The following PAPOLG variants were observed in gnomAD, a reference collection of about 807,000 sequenced individuals.
PAPOLG encodes PAP-gamma.
Under a neutral mutation model 99.0 loss-of-function variants are expected in PAPOLG, and 40 were observed. The ratio of observed to expected loss-of-function variants is 0.40; its 90% CI spans 0.31 to 0.53. PAPOLG has a LOEUF of 0.53. PAPOLG is among the 20% of genes least tolerant of loss of function. PAPOLG has a pLI of 0.41. For synonymous variants in PAPOLG, 310 were observed against 299.3 expected (o/e 1.04, Z -0.37); for missense variants, 675 against 884.1 (o/e 0.76, Z 3.00).
rs535400786 is a variant in PAPOLG, at chr2:60,800,837, A to G, written c.*3677A>G. The G allele has an allele frequency of 6.6e-6, 1 of 152,404 alleles. No individual in the cohort carries two copies. The highest frequency in any genetic ancestry group is 2.4e-5 in the African/African-American group (1 of 41,570). 9.4% of individuals were successfully genotyped at this position (152,404 alleles called of 1,614,324 possible). On this transcript the variant is annotated 3_prime_UTR_variant, in exon 22 of 22. Transcript: ENST00000238714. Reference sequence around the variant, plus strand: ...CAGGATTGAATAATCCTGGAATATTATATAATTTTCTACTTTTGATTTTGC... The same window carrying G: ...CAGGATTGAATAATCCTGGAATATTGTATAATTTTCTACTTTTGATTTTGC...
At chr2:60,771,732 G>C in intron 7 of PAPOLG, 102 bp downstream of exon 7, 1 of 1,279,924 alleles carries the variant, frequency 7.8e-7, no homozygotes, top group Non-Finnish European at 1.1e-6. Context: ...ATTGGACTCA[G>C]TTTAAAATGT....
chr2:60,777,207 G>T (rs1273966532), intron 8 of PAPOLG, among the ~76,000 whole-genome samples: 1 of 152,150 alleles, frequency 6.6e-6, no homozygotes, highest in Non-Finnish European at 1.5e-5. Flanking sequence ...TGTAATCCCA[G>T]TACTTTGGGA....
At chr2:60,786,860 GT>G in intron 13 of PAPOLG, 86 bp from the exon 14 acceptor site, 1 of 1,474,142 alleles carries the variant, frequency 6.8e-7, no homozygotes, top group African/African-American at 1.4e-5. Context: ...GTAAAGCTTC[GT>G]AGTTAATATG....
intron 7 of PAPOLG, among the ~76,000 whole-genome samples, chr2:60,774,230 C>T (rs956951080): frequency 1.3e-5 from 2 of 151,182 alleles, no homozygotes; most frequent in African/African-American, 2.4e-5. Flanking sequence ...GCCAAGGTAC[C>T]TGCAGTTTTA....
At chr2:60,790,408 C>A (rs987589823) in intron 15 of PAPOLG, among the ~76,000 whole-genome samples, 1 of 152,132 alleles carries the variant, frequency 6.6e-6, no homozygotes, top group Non-Finnish European at 1.5e-5. Flanking sequence ...AACAAGCCTC[C>A]CATCCCTGTC....
At chr2:60,773,726 A>G (rs1670927196) in intron 7 of PAPOLG, among the ~76,000 whole-genome samples, 1 of 151,324 alleles carries the variant, frequency 6.6e-6, no homozygotes, top group East Asian at 1.9e-4. Flanking sequence ...AGCAGTCATT[A>G]GTGACCAGTC....
At chr2:60,761,939 T>C (rs940290276) in intron 3 of PAPOLG, 132 bp downstream of exon 3, 3 of 720,048 alleles carry the variant, frequency 4.2e-6, no homozygotes, top group Non-Finnish European at 7.2e-6. Flanking sequence ...TAGGAATGAA[T>C]TGGTCTAGAC....
chr2:60,772,920 C>T (rs1054678102), intron 7 of PAPOLG, among the ~76,000 whole-genome samples: 4 of 150,676 alleles, frequency 2.7e-5, no homozygotes, highest in African/African-American at 9.7e-5. Flanking sequence ...TGGTCTTTTT[C>T]TTTTCTTTTC....
intron 13 of PAPOLG, 119 bp downstream of exon 13, chr2:60,783,328 T>G: frequency 2.3e-6 from 1 of 427,502 alleles, no homozygotes. Context: ...ATATCTCTTT[T>G]TTTTTTTTTT....
At chr2:60,763,966 C>G (rs184261737) in intron 3 of PAPOLG, among the ~76,000 whole-genome samples, 31 of 151,722 alleles carry the variant, frequency 2.0e-4, no homozygotes, top group Non-Finnish European at 4.4e-4. Context: ...CCATGCCCAG[C>G]TAATTTTTGA....
intron 7 of PAPOLG, among the ~76,000 whole-genome samples, chr2:60,773,478 G>C (rs1431255330): frequency 6.6e-6 from 1 of 152,114 alleles, no homozygotes; most frequent in African/African-American, 2.4e-5. Context: ...TTTTGTTGCT[G>C]AATAAAAATG....
intron 7 of PAPOLG, among the ~76,000 whole-genome samples, chr2:60,772,337 C>T (rs1024954353): frequency 5.9e-5 from 9 of 151,658 alleles, no homozygotes; most frequent in Admixed American, 1.3e-4. Flanking sequence ...GTTCCAGCTA[C>T]TCAGGAGGCT....
intron 15 of PAPOLG, among the ~76,000 whole-genome samples, chr2:60,788,848 A>T (rs1293648588): frequency 6.6e-6 from 1 of 152,002 alleles, no homozygotes; most frequent in African/African-American, 2.4e-5. Flanking sequence ...ATACAAAAAA[A>T]AGTTTGCCAG....
rs1051065930 is a variant in PAPOLG, at chr2:60,782,114, C to T, written c.1027+109C>T. On this transcript the variant is annotated intron_variant, in intron 11 of 21. Coordinates refer to ENST00000238714, the MANE Select transcript of PAPOLG (RefSeq NM_022894.4). ...GCAGTTAGAGTTATACCTATTCTTTCTAAAAATTCTTTCAAGTATGGTTAT... is the reference window on the plus strand; with the variant it reads ...GCAGTTAGAGTTATACCTATTCTTTTTAAAAATTCTTTCAAGTATGGTTAT... 2.6e-6 allele frequency: 3 copies of T among 1,147,120 alleles called. No homozygotes were observed. In the African/African-American group the frequency reaches 4.7e-5, roughly 18 times the overall value. The allele number at this position is 1,147,120 out of a possible 1,614,324, so 71.1% of individuals were successfully genotyped here. A position where few individuals can be genotyped will look rare whatever the true frequency, so the allele number is the denominator to read the frequency against.
chr2:60,787,746 G>A (rs1396012012), intron 15 of PAPOLG, 126 bp downstream of exon 15: 17 of 1,253,418 alleles, frequency 1.4e-5, no homozygotes, highest in Non-Finnish European at 1.8e-5. Flanking sequence ...TGGCATATCC[G>A]TATTGCTGTT....
At chr2:60,760,400 G>A in intron 2 of PAPOLG, 105 bp downstream of exon 2, 2 of 1,127,130 alleles carry the variant, frequency 1.8e-6, no homozygotes, top group Non-Finnish European at 2.5e-6. Flanking sequence ...GTGCAGAAAT[G>A]ACAAAAAGAA....
chr2:60,792,004 C>T (rs1377523332), intron 16 of PAPOLG, 122 bp downstream of exon 16: 8 of 1,455,454 alleles, frequency 5.5e-6, no homozygotes, highest in Non-Finnish European at 7.4e-6. Flanking sequence ...GCAGTTCAAT[C>T]TAGGACTAAA....
chr2:60,772,319 C>T (rs112067634), intron 7 of PAPOLG, among the ~76,000 whole-genome samples: 2,934 of 151,946 alleles, frequency 0.019, 97 homozygotes, highest in African/African-American at 0.066. Context: ...TAGTGGCACT[C>T]GCCTGTAGTT....
At chr2:60,768,728 CAA>C (rs1200431442) in intron 4 of PAPOLG, 51 bp from the exon 5 acceptor site, 1 of 1,431,746 alleles carries the variant, frequency 7.0e-7, no homozygotes, top group Non-Finnish European at 9.4e-7. Context: ...TGTACTTTAA[CAA>C]AGAATATAAC....
Sources: gnomAD v4.1 joint callset for allele counts (sites outside exome capture counted in the v4.1 genomes callset) on GRCh38, gnomAD v4.1.1 for gene constraint, MANE v1.5 for transcripts, NCBI Gene and HGNC (gene_info 2026-07-23, HGNC 2026-07-21) for gene names.